CFAP46: variants seen among roughly 807,000 people sequenced by gnomAD.
The protein encoded by CFAP46 is cilia- and flagella-associated protein 46.
A neutral mutation model predicts 325.7 loss-of-function variants in CFAP46; 245 were observed. That is an observed-to-expected ratio of 0.75 (90% confidence interval 0.68 to 0.84). The LOEUF is 0.84. Among genes scored for constraint, CFAP46 ranks in the 40% least tolerant of loss-of-function variants. CFAP46 has a pLI of 0.00. For synonymous variants in CFAP46, 1,523 were observed against 1,495.9 expected (o/e 1.02, Z -0.42); for missense variants, 3,346 against 3,543.0 (o/e 0.94, Z 1.41).
At position 132,899,111 on chromosome 10, in the gene CFAP46, T is replaced by C; in HGVS notation, c.3067A>G (p.Ile1023Val). ...ATCACCAGGGCGCTGCTGCCCGCGA[T>C]GCCTCCGAACCTAAAAGAGGGCAGG... ...AFTESARFGGIAGSSALVMLA... is the reference protein window; with the variant it reads ...AFTESARFGGVAGSSALVMLA... Residue 1023 changes from isoleucine (I) to valine (V), a missense_variant, in exon 24 of 58, where the codon ATC (isoleucine) becomes GTC (valine). Physicochemically the swap from Ile to Val is conservative, Grantham distance 29. Coordinates refer to ENST00000368586, the MANE Select transcript of CFAP46 (RefSeq NM_001200049.3). 3 of 1,546,812 alleles carry C rather than the reference T, an allele frequency of 1.9e-6. No homozygotes were observed. Among genetic ancestry groups the C allele is most frequent in the East Asian group, 2.5e-5 (1 of 40,604 alleles).
At chr10:132,941,159 C>T (rs1366494204) in intron 3 of CFAP46, 99 bp from the exon 4 acceptor site, 7 of 1,165,190 alleles carry the variant, frequency 6.0e-6, no homozygotes, top group East Asian at 4.7e-5. Flanking sequence ...GGCCTGGTAC[C>T]CCCTGTGTGT....
intron 29 of CFAP46, among the ~76,000 whole-genome samples, chr10:132,878,503 G>C (rs1848990762): frequency 6.6e-6 from 1 of 152,178 alleles, no homozygotes; most frequent in African/African-American, 2.4e-5. Context: ...TCGCGGCCCT[G>C]ACACCTGGGG....
In CFAP46 at chr10:132,817,720, G is replaced by A. The variant is rs1006323001; in HGVS notation, c.7118-2806C>T. 6.6e-5 allele frequency among the ~76,000 whole-genome samples: 10 copies of A among 152,318 alleles called. No individual in the cohort carries two copies. Among genetic ancestry groups the A allele is most frequent in the East Asian group, 3.9e-4 (2 of 5,170 alleles). ...CAAGGCTCTAGATCACCGGCAGCCC[G>A]GCTTTCAGTGACTCTGTGGTGAGGG... On this transcript the variant is annotated intron_variant, in intron 50 of 57. Coordinates refer to ENST00000368586, the MANE Select transcript of CFAP46 (RefSeq NM_001200049.3). The surrounding 1 kb of genome is among the most constrained non-coding windows in gnomAD (Gnocchi z 4.4).
intron 16 of CFAP46, among the ~76,000 whole-genome samples, chr10:132,917,068 G>A (rs990260545): frequency 7.2e-5 from 11 of 152,360 alleles, no homozygotes; most frequent in Non-Finnish European, 7.3e-5. Context: ...CCTCCGGGGC[G>A]TGGATGACCA....
At chr10:132,836,599 C>T (rs4880436) in intron 45 of CFAP46, among the ~76,000 whole-genome samples, 6,820 of 151,872 alleles carry the variant, frequency 0.045, 361 homozygotes, top group Admixed American at 0.16. Flanking sequence ...GTACTGGAGA[C>T]AGGTCACAGG....
intron 48 of CFAP46, 75 bp downstream of exon 48, chr10:132,834,579 G>T: frequency 1.3e-6 from 2 of 1,559,398 alleles, no homozygotes; most frequent in Admixed American, 1.9e-5. Flanking sequence ...AGCACACGTG[G>T]TTGGCCACAG....
intron 35 of CFAP46, among the ~76,000 whole-genome samples, chr10:132,862,492 C>T (rs1472380910): frequency 6.6e-6 from 1 of 151,602 alleles, no homozygotes; most frequent in South Asian, 2.1e-4. Flanking sequence ...CCAGTGCCGA[C>T]ACTGAGTGGG....
chr10:132,919,512 T>C lies in CFAP46; in HGVS notation c.1731-70A>G. 1.3e-6 allele frequency: 2 copies of C among 1,486,158 alleles called. No individual in the cohort carries two copies. The highest frequency in any genetic ancestry group is 1.8e-6 in the Non-Finnish European group (2 of 1,116,846). The allele number at this position is 1,486,158 out of a possible 1,614,324, so 92.1% of individuals were successfully genotyped here. ...GTGGTTGCTGAAGTTAGAAAACACCTGGGCTGGCTGCCTGAGAAAAGGCCA... is the reference window on the plus strand; with the variant it reads ...GTGGTTGCTGAAGTTAGAAAACACCCGGGCTGGCTGCCTGAGAAAAGGCCA... On this transcript the variant is annotated intron_variant, in intron 14 of 57. Transcript: ENST00000368586. The surrounding 1 kb of genome is among the most constrained non-coding windows in gnomAD (Gnocchi z 9.7).
At chr10:132,831,220 C>CTGTGTGTG (rs56965336) in intron 50 of CFAP46, among the ~76,000 whole-genome samples, 3,544 of 148,166 alleles carry the variant, frequency 0.024, 80 homozygotes, top group African/African-American at 0.064. Context: ...GTCAAATGTT[C>CTGTGTGTG]TGTGTGTGTG....
At chr10:132,821,318 CTG>C (rs1284152386) in intron 50 of CFAP46, among the ~76,000 whole-genome samples, 3 of 105,752 alleles carry the variant, frequency 2.8e-5, no homozygotes, top group East Asian at 3.2e-4. Flanking sequence ...GTTGTGTGTG[CTG>C]TGTGAGTGCT....
In CFAP46 at chr10:132,913,185, G is replaced by T. The variant is rs1849581246; in HGVS notation, c.2194C>A (p.Gln732Lys). The change falls in exon 18 of 58, where the codon CAG (glutamine) becomes AAG (lysine). Residue 732 changes from glutamine to lysine, a missense_variant. Gln to Lys is a moderately conservative substitution (Grantham distance 53). Coordinates refer to ENST00000368586, the MANE Select transcript of CFAP46 (RefSeq NM_001200049.3). ...LRSAEIGQEIQEAWIVQNAVV... is the reference protein window; with the variant it reads ...LRSAEIGQEIKEAWIVQNAVV... Reference sequence around the variant, plus strand: ...GCGTTCTGCACAATCCACGCCTCCTGGATCTCCTGTCCGATCTCTGCGGAG... The same window carrying T: ...GCGTTCTGCACAATCCACGCCTCCTTGATCTCCTGTCCGATCTCTGCGGAG... The T allele has an allele frequency of 6.4e-7, 1 of 1,550,488 alleles. No individual in the cohort carries two copies.
chr10:132,883,970 C>A (rs888177162), intron 27 of CFAP46, among the ~76,000 whole-genome samples: 1 of 152,140 alleles, frequency 6.6e-6, no homozygotes, highest in Non-Finnish European at 1.5e-5. Flanking sequence ...GATTATATAA[C>A]CCTGAGAATT....
chr10:132,868,240 A>G (rs1371044512), intron 33 of CFAP46, among the ~76,000 whole-genome samples: 1 of 152,010 alleles, frequency 6.6e-6, no homozygotes, highest in Non-Finnish European at 1.5e-5. Context: ...GCCACCCCAC[A>G]TCGCGTTGGC....
chr10:132,937,085 T>G lies in CFAP46; in HGVS notation c.661-30A>C, dbSNP rs767121955. ...CATAAAATGGAGCAGATTATTAATC[T>G]GGATTCAAACAATTCGGTAGAGGTT... On this transcript the variant is annotated intron_variant, in intron 6 of 57. Transcript: ENST00000368586. The G allele has an allele frequency of 4.4e-6, 6 of 1,358,442 alleles. No homozygotes were observed. The African/African-American group carries it at 8.6e-5, about 20-fold the overall frequency. 84.1% of individuals were successfully genotyped at this position (1,358,442 alleles called of 1,614,324 possible).
intron 24 of CFAP46, among the ~76,000 whole-genome samples, chr10:132,897,943 G>A (rs1385561729): frequency 2.6e-5 from 4 of 152,128 alleles, no homozygotes; most frequent in African/African-American, 7.2e-5. Context: ...CCAGCGCAGC[G>A]GCTTCTGTAG....
intron 23 of CFAP46, 51 bp downstream of exon 23, chr10:132,899,484 C>T (rs762067088): frequency 1.1e-4 from 168 of 1,497,258 alleles, no homozygotes; most frequent in Middle Eastern, 2.4e-4. Context: ...ACAGGGGTCC[C>T]GCACGGCCGG....
Position 132,869,278 on chromosome 10 carries a change from C to T in CFAP46, c.4606G>A (p.Ala1536Thr), listed in dbSNP as rs1426709397. ...GQVCVSELEQASCRKEIALKK... is the reference protein window; with the variant it reads ...GQVCVSELEQTSCRKEIALKK... Reference sequence around the variant, plus strand: ...GCAGGGTGGGACGGCACACACCTGGCCTGCTCCAGCTCGCTGACGCACACC... The same window carrying T: ...GCAGGGTGGGACGGCACACACCTGGTCTGCTCCAGCTCGCTGACGCACACC... Residue 1536 changes from alanine to threonine, a missense_variant, in exon 33 of 58, where the codon GCC (alanine) becomes ACC (threonine). Transcript: ENST00000368586. The surrounding 1 kb of genome is among the most constrained non-coding windows in gnomAD (Gnocchi z 6.2). The T allele has an allele frequency of 6.5e-7, 1 of 1,534,114 alleles. No individual in the cohort carries two copies. Among genetic ancestry groups the T allele is most frequent in the Admixed American group, 2.0e-5 (1 of 50,656 alleles).
chr10:132,889,538 C>T lies in CFAP46; in HGVS notation c.3304+2795G>A, dbSNP rs958770723. ...ATTCATTAAACCAGGGTCCAATGAACTTGGAAACCACACATAGGGTCGCAG... is the reference window on the plus strand; with the variant it reads ...ATTCATTAAACCAGGGTCCAATGAATTTGGAAACCACACATAGGGTCGCAG... On this transcript the variant is annotated intron_variant, in intron 25 of 57. Transcript: ENST00000368586. The surrounding 1 kb of genome is among the most constrained non-coding windows in gnomAD (Gnocchi z 6.0). 6.6e-6 allele frequency among the ~76,000 whole-genome samples: 1 copy of T among 152,186 alleles called. No individual in the cohort carries two copies. Among genetic ancestry groups the T allele is most frequent in the Non-Finnish European group, 1.5e-5 (1 of 68,022 alleles).
intron 50 of CFAP46, among the ~76,000 whole-genome samples, chr10:132,820,955 C>CGCTGATGTGTGCTGTGTG (rs1565034857): frequency 2.2e-5 from 1 of 46,392 alleles, no homozygotes. Context: ...GCTGTGTGTG[C>CGCTGATGTGTGCTGTGTG]TGATGTGTGC....
Sources: allele counts gnomAD v4.1 joint callset (sites outside exome capture counted in the v4.1 genomes callset), GRCh38; gene constraint gnomAD v4.1.1; non-coding constraint Gnocchi (gnomAD v3.1); transcripts MANE v1.5; gene names NCBI Gene and HGNC (gene_info 2026-07-23, HGNC 2026-07-21).